The following SLAIN1 variants were observed in gnomAD, a reference collection of about 807,000 sequenced individuals.
SLAIN1 encodes SLAIN motif-containing protein 1.
Under a neutral mutation model 55.4 loss-of-function variants are expected in SLAIN1, and 17 were observed. The observed-to-expected ratio is 0.31, with a 90% CI of 0.21 to 0.46. SLAIN1 has a LOEUF of 0.46. SLAIN1 is among the 20% of genes least tolerant of loss of function. SLAIN1 has a pLI of 1.00. For missense variants in SLAIN1, 682 were observed against 785.1 expected (o/e 0.87, Z 1.57); for synonymous variants, 348 against 337.4 (o/e 1.03, Z -0.35).
chr13:77,707,136 T>A (rs917596633), intron 1 of SLAIN1, among the ~76,000 whole-genome samples: 1 of 152,104 alleles, frequency 6.6e-6, no homozygotes, highest in Non-Finnish European at 1.5e-5. Flanking sequence ...TTCTTTTTTT[T>A]AAGAACTTGT....
intron 2 of SLAIN1, among the ~76,000 whole-genome samples, chr13:77,733,233 C>G (rs1872959439): frequency 6.6e-6 from 1 of 152,100 alleles, no homozygotes; most frequent in African/African-American, 2.4e-5. Context: ...GAGTATACAA[C>G]TGCTTTGTTA....
chr13:77,758,057 A>G (rs2154410972), intron 5 of SLAIN1, among the ~76,000 whole-genome samples: 1 of 152,278 alleles, frequency 6.6e-6, no homozygotes, highest in East Asian at 1.9e-4. Context: ...CCAGCAGTGT[A>G]AAAGTGTTCC....
intron 2 of SLAIN1, chr13:77,743,555 A>G (rs1005043156): frequency 2.0e-5 from 3 of 153,214 alleles, no homozygotes; most frequent in African/African-American, 7.2e-5. Context: ...AGAAGAAAAT[A>G]GTCATAGTGG....
chr13:77,699,610 AC>A (rs2091011501), intron 1 of SLAIN1, among the ~76,000 whole-genome samples: 1 of 152,132 alleles, frequency 6.6e-6, no homozygotes, highest in Admixed American at 6.5e-5. Flanking sequence ...CCTATTGGGA[AC>A]TGCAGTGTTC....
At chr13:77,742,978 A>C (rs1309810399) in intron 2 of SLAIN1, 1 of 1,241,110 alleles carries the variant, frequency 8.1e-7, no homozygotes, top group Non-Finnish European at 1.0e-6. Context: ...ATATGCTTCC[A>C]TATAGCTAAC....
intron 2 of SLAIN1, among the ~76,000 whole-genome samples, chr13:77,730,237 A>G (rs1317944200): frequency 6.6e-6 from 1 of 152,140 alleles, no homozygotes; most frequent in Non-Finnish European, 1.5e-5. Context: ...AAACCTTTGA[A>G]TAATTTTTAG....
intron 4 of SLAIN1, among the ~76,000 whole-genome samples, chr13:77,747,150 C>G (rs762407765): frequency 4.6e-5 from 7 of 151,910 alleles, no homozygotes; most frequent in Non-Finnish European, 7.4e-5. Flanking sequence ...ACCCTGTTGA[C>G]CAGGCTGGTC....
At chr13:77,713,657 CATCCCA>C in intron 1 of SLAIN1, among the ~76,000 whole-genome samples, 1 of 152,224 alleles carries the variant, frequency 6.6e-6, no homozygotes, top group Admixed American at 6.5e-5. Flanking sequence ...TTGACCCAGC[CATCCCA>C]TTACTGGGTA....
chr13:77,726,339 T>C (rs907460212), intron 2 of SLAIN1, among the ~76,000 whole-genome samples: 1 of 152,212 alleles, frequency 6.6e-6, no homozygotes, highest in Admixed American at 6.5e-5. Context: ...AGATAGTTAT[T>C]TTTAGTGCAT....
At position 77,753,289 on chromosome 13, in the gene SLAIN1, C is replaced by A. The variant is rs752617482; in HGVS notation, c.1345C>A (p.Arg449=). The A allele has an allele frequency of 1.9e-6, 3 of 1,612,380 alleles. No homozygotes were observed. In the South Asian group the frequency reaches 3.3e-5, roughly 18 times the overall value. Residue 449 remains arginine, a synonymous_variant, in exon 5 of 7, where the codon CGA becomes AGA. Transcript: ENST00000418532. ...CAACATTAGTTCTCCGGTCACCGTGCGAAATAGTCAGAGTTTTGACTCAAG... is the reference window on the plus strand; with the variant it reads ...CAACATTAGTTCTCCGGTCACCGTGAGAAATAGTCAGAGTTTTGACTCAAG... ...SSNISSPVTV[R]NSQSFDSSLH...
intron 1 of SLAIN1, among the ~76,000 whole-genome samples, chr13:77,708,521 C>T (rs993380891): frequency 7.2e-5 from 11 of 152,314 alleles, no homozygotes; most frequent in Admixed American, 2.0e-4. Flanking sequence ...CTCTGGCTCG[C>T]ATCTGGCAGG....
In SLAIN1 at chr13:77,737,837, T is replaced by C. The variant is rs531271758; in HGVS notation, c.767-6446T>C. 2.6e-5 allele frequency among the ~76,000 whole-genome samples: 4 copies of C among 152,218 alleles called. No homozygotes were observed. In the East Asian group the frequency reaches 7.7e-4, roughly 29 times the overall value. Reference sequence around the variant, plus strand: ...CACCTTACTTGCCTGTCTTCTGTAGTAGCTGGTCTTTAGAAACTGGAGTGG... The same window carrying C: ...CACCTTACTTGCCTGTCTTCTGTAGCAGCTGGTCTTTAGAAACTGGAGTGG... On this transcript the variant is annotated intron_variant, in intron 2 of 6. Transcript: ENST00000418532.
rs199566492 is a variant in SLAIN1 at position 77,760,971 on chromosome 13, C to A, written c.1558C>A (p.Leu520Met). 3.3e-5 allele frequency: 54 copies of A among 1,614,060 alleles called. No homozygotes were observed. The East Asian group carries it at 9.8e-4, about 29-fold the overall frequency. Residue 520 changes from leucine to methionine, a missense_variant, in exon 6 of 7, where the codon CTG becomes ATG. By Grantham distance (15) the Leu-to-Met change is conservative. This residue lies in a region of SLAIN1 where 244 missense variants were observed against 295.2 expected (regional missense o/e 0.83). Coordinates refer to ENST00000418532, the MANE Select transcript of SLAIN1 (RefSeq NM_001242868.2). ...CATGCCTTTATCAAACGGCTTACAGCTGTATTCCAACACAGGAATCCCCAC... is the reference window on the plus strand; with the variant it reads ...CATGCCTTTATCAAACGGCTTACAGATGTATTCCAACACAGGAATCCCCAC... ...SNMPLSNGLQ[L>M]YSNTGIPTPN...
chr13:77,698,351 C>T lies in SLAIN1; in HGVS notation c.438C>T (p.Pro146=), dbSNP rs1436962750. ...LCSLAQPPEA[P]FVYFKPAAGF... ...GCCTGGCGCAGCCACCCGAGGCGCC[C>T]TTCGTCTACTTCAAGCCGGCAGCAG... The change falls in exon 1 of 7, where the codon CCC becomes CCT. Residue 146 remains proline, a synonymous_variant. Coordinates refer to ENST00000418532, the MANE Select transcript of SLAIN1 (RefSeq NM_001242868.2). This position sits in a 1 kb window ranked among gnomAD's most constrained non-coding sequence, Gnocchi z 4.1. 17 of 1,444,708 alleles carry T rather than the reference C, an allele frequency of 1.2e-5. No individual in the cohort carries two copies. Among genetic ancestry groups the T allele is most frequent in the Admixed American group, 5.0e-5 (2 of 40,320 alleles). 89.5% of individuals were successfully genotyped at this position (1,444,708 alleles called of 1,614,324 possible). A position where few individuals can be genotyped will look rare whatever the true frequency, so the allele number is the denominator to read the frequency against.
At position 77,703,299 on chromosome 13, in the gene SLAIN1, A is replaced by G. The variant is rs868342669; in HGVS notation, c.626+4760A>G. On this transcript the variant is annotated intron_variant, in intron 1 of 6. Coordinates refer to ENST00000418532, the MANE Select transcript of SLAIN1 (RefSeq NM_001242868.2). ...TTCATCTTCCACATGTAATACCAAGACCCCAGACAGCTGGCTAACATCATT... is the reference window on the plus strand; with the variant it reads ...TTCATCTTCCACATGTAATACCAAGGCCCCAGACAGCTGGCTAACATCATT... 2.0e-5 allele frequency among the ~76,000 whole-genome samples: 3 copies of G among 152,112 alleles called. No homozygotes were observed. In the South Asian group the frequency reaches 6.2e-4, roughly 31 times the overall value.
At chr13:77,748,183 A>C (rs771518108) in intron 4 of SLAIN1, among the ~76,000 whole-genome samples, 29 of 149,128 alleles carry the variant, frequency 1.9e-4, no homozygotes, top group Non-Finnish European at 3.4e-4. Flanking sequence ...TGCTGATGCT[A>C]ATTAAGAGAT....
intron 5 of SLAIN1, among the ~76,000 whole-genome samples, chr13:77,754,599 T>C (rs968737070): frequency 1.3e-5 from 2 of 152,170 alleles, no homozygotes; most frequent in African/African-American, 4.8e-5. Flanking sequence ...TTCGTTCAGT[T>C]TACTCCTATT....
intron 2 of SLAIN1, among the ~76,000 whole-genome samples, chr13:77,736,239 A>G (rs1017321137): frequency 2.0e-5 from 3 of 152,012 alleles, no homozygotes; most frequent in Admixed American, 2.0e-4. Context: ...TATTCTCAGC[A>G]TATTTATTGC....
chr13:77,763,102 AT>A (rs778667779), intron 6 of SLAIN1, 42 bp from the exon 7 acceptor site: 1 of 1,525,394 alleles, frequency 6.6e-7, no homozygotes, highest in East Asian at 2.2e-5. Flanking sequence ...GACTCATAGG[AT>A]TATTAACAAT....
Sources: allele counts gnomAD v4.1 joint callset (sites outside exome capture counted in the v4.1 genomes callset), GRCh38; gene constraint gnomAD v4.1.1; regional missense constraint gnomAD v4.1.1; non-coding constraint Gnocchi (gnomAD v3.1); transcripts MANE v1.5; gene names NCBI Gene and HGNC (gene_info 2026-07-23, HGNC 2026-07-21).